The following PHF21A variants were observed in gnomAD, a reference collection of about 807,000 sequenced individuals.
PHF21A encodes the protein PHD finger protein 21A.
Under a neutral mutation model 82.5 loss-of-function variants are expected in PHF21A, and 11 were observed. The ratio of observed to expected loss-of-function variants is 0.13; its 90% confidence interval spans 0.08 to 0.22. PHF21A has a LOEUF of 0.22. Among genes scored for constraint, PHF21A ranks in the 10% least tolerant of loss-of-function variants. PHF21A has a pLI of 1.00. For missense variants in PHF21A, 579 were observed against 837.8 expected, an observed-to-expected ratio of 0.69 and a Z score of 3.81; for synonymous variants, 297 against 302.8, an observed-to-expected ratio of 0.98 and a Z score of 0.20.
intron 6 of PHF21A, among the ~76,000 whole-genome samples, chr11:46,050,976 T>C (rs1467513726): frequency 6.6e-6 from 1 of 152,192 alleles, no homozygotes; most frequent in Non-Finnish European, 1.5e-5. Context: ...AAGATAAATA[T>C]AGCAGTCTCC....
At chr11:45,969,255 C>G (rs1220379681) in intron 9 of PHF21A, among the ~76,000 whole-genome samples, 2 of 152,178 alleles carry the variant, frequency 1.3e-5, no homozygotes, top group Non-Finnish European at 2.9e-5. Flanking sequence ...GAAAGTTAGC[C>G]TAATTGCTGG....
At chr11:45,983,233 G>A (rs1404899042) in intron 6 of PHF21A, among the ~76,000 whole-genome samples, 3 of 152,092 alleles carry the variant, frequency 2.0e-5, no homozygotes. Context: ...AGCCGTGGAA[G>A]CTTGGGGTGG....
chr11:46,104,204 C>G (rs1005467485), intron 1 of PHF21A, among the ~76,000 whole-genome samples: 22 of 152,186 alleles, frequency 1.4e-4, no homozygotes, highest in African/African-American at 5.3e-4. Context: ...TGGGGTTCTA[C>G]AATTGTTTCC....
intron 6 of PHF21A, among the ~76,000 whole-genome samples, chr11:46,055,681 C>G (rs1023877274): frequency 3.9e-5 from 6 of 152,116 alleles, no homozygotes; most frequent in Non-Finnish European, 5.9e-5. Context: ...GGCACAGAGG[C>G]AGCAGGAGTC....
At chr11:46,029,602 CACTTGA>C (rs968329088) in intron 6 of PHF21A, among the ~76,000 whole-genome samples, 4 of 151,062 alleles carry the variant, frequency 2.6e-5, no homozygotes, top group Non-Finnish European at 5.9e-5. Flanking sequence ...GCAGGAGAAT[CACTTGA>C]ACCCAGAAGG....
intron 6 of PHF21A, among the ~76,000 whole-genome samples, chr11:45,981,267 T>A (rs2094267964): frequency 6.6e-6 from 1 of 151,742 alleles, no homozygotes; most frequent in Admixed American, 6.6e-5. Context: ...ACACCTGTAA[T>A]CCCAGCTACT....
chr11:45,976,634 G>A (rs2959093), intron 7 of PHF21A, among the ~76,000 whole-genome samples: 132,345 of 151,758 alleles, frequency 0.87, 58,031 homozygotes, highest in East Asian at 1. Context: ...TTGAGCTCCG[G>A]AGTTTGAGAC....
chr11:45,983,174 G>T (rs1489620123), intron 6 of PHF21A, among the ~76,000 whole-genome samples: 1 of 152,166 alleles, frequency 6.6e-6, no homozygotes, highest in Non-Finnish European at 1.5e-5. Context: ...TGGGAGTCAA[G>T]TGAGTCACAC....
At chr11:45,954,259 A>C (rs896575486) in intron 10 of PHF21A, among the ~76,000 whole-genome samples, 1 of 152,110 alleles carries the variant, frequency 6.6e-6, no homozygotes, top group Non-Finnish European at 1.5e-5. Flanking sequence ...AGCCTCCCAA[A>C]GTGCTGGGAT....
chr11:45,977,816 T>C (rs2094107038), intron 7 of PHF21A, among the ~76,000 whole-genome samples: 1 of 151,980 alleles, frequency 6.6e-6, no homozygotes, highest in Non-Finnish European at 1.5e-5. Flanking sequence ...GTATTGGTAT[T>C]GCTTTTTTCT....
intron 7 of PHF21A, among the ~76,000 whole-genome samples, chr11:45,977,055 C>T (rs1055686181): frequency 6.6e-6 from 1 of 152,006 alleles, no homozygotes; most frequent in Non-Finnish European, 1.5e-5. Flanking sequence ...CAGCCCTGGG[C>T]CTCTTACCAT....
chr11:45,945,761 G>A (rs1017507844), intron 15 of PHF21A, 79 bp downstream of exon 15: 10 of 1,224,016 alleles, frequency 8.2e-6, no homozygotes, highest in Admixed American at 2.6e-5. Context: ...GGTGCAAGTC[G>A]ATAAGGAGAC....
At chr11:45,935,455 G>T in intron 18 of PHF21A, 181 bp downstream of exon 18, 1 of 640,336 alleles carries the variant, frequency 1.6e-6, no homozygotes, top group Non-Finnish European at 2.7e-6. Context: ...CTACCAACTG[G>T]CCGCCTGTAC....
At chr11:45,972,046 G>C (rs1037397587) in intron 7 of PHF21A, among the ~76,000 whole-genome samples, 6 of 151,540 alleles carry the variant, frequency 4.0e-5, no homozygotes, top group African/African-American at 1.5e-4. Context: ...GTAAATACCA[G>C]TTCTTGATAC....
rs774658103 is a variant in PHF21A, at chr11:45,979,810, G to A, written c.310C>T (p.His104Tyr). The change falls in exon 7 of 19, where the codon CAC becomes TAC. Residue 104 changes from histidine (H) to tyrosine (Y), a missense_variant. By Grantham distance (83) the His-to-Tyr change is moderately conservative. Around this residue, in one of 3 missense-constraint regions of PHF21A, gnomAD observed 410 missense variants for 642.1 expected, o/e 0.64. Coordinates refer to ENST00000676320, the MANE Select transcript of PHF21A (RefSeq NM_001352027.3). The part of the protein sequence containing the change: ...QLQQQQQYHH[H>Y]HAQQSAAASP... ...GCTGCAGCTGACTGCTGGGCGTGGTGGTGGTGGTACTGCTGCTGTTGTTGT... is the reference window on the plus strand; with the variant it reads ...GCTGCAGCTGACTGCTGGGCGTGGTAGTGGTGGTACTGCTGCTGTTGTTGT... 7 of 1,614,000 alleles carry A rather than the reference G, an allele frequency of 4.3e-6. No homozygotes were observed. The Admixed American group carries it at 1.2e-4, about 27-fold the overall frequency.
At position 46,121,209 on chromosome 11, in the gene PHF21A, G is replaced by A. The variant is rs1380605659; in HGVS notation, c.-511C>T. On this transcript the variant is annotated 5_prime_UTR_variant, in exon 1 of 19. Transcript: ENST00000676320. Reference sequence around the variant, plus strand: ...CTCTCTCTCTCTCTCTCTCTGGGCTGTTTCTTTCCTCCTCTTCCCCAGGCA... The same window carrying A: ...CTCTCTCTCTCTCTCTCTCTGGGCTATTTCTTTCCTCCTCTTCCCCAGGCA... 3.4e-5 allele frequency: 2 copies of A among 58,926 alleles called. No individual in the cohort carries two copies. Among genetic ancestry groups the A allele is most frequent in the Non-Finnish European group, 6.8e-5 (2 of 29,604 alleles). The allele number at this position is 58,926 out of a possible 1,614,324, so 3.7% of individuals were successfully genotyped here.
rs1430675155 is a variant in PHF21A, at chr11:46,082,173, A to G, written c.54+1993T>C. Among the ~76,000 whole-genome samples, 8 of 152,356 alleles carry G rather than the reference A, an allele frequency of 5.3e-5. No individual in the cohort carries two copies. The East Asian group carries it at 1.5e-3, about 29-fold the overall frequency. ...CTATCTCACCATTCATAAAGAAAAC[A>G]CAAAGAACAAAAATATGTTTTCACT... On this transcript the variant is annotated intron_variant, in intron 4 of 18. Transcript: ENST00000676320.
chr11:45,939,169 A>G (rs1330434360), intron 15 of PHF21A, among the ~76,000 whole-genome samples: 1 of 152,216 alleles, frequency 6.6e-6, no homozygotes, highest in Non-Finnish European at 1.5e-5. Context: ...GGAGAGGTCT[A>G]TAGTCGCCAA....
chr11:46,080,167 G>C (rs2932510), intron 4 of PHF21A, among the ~76,000 whole-genome samples: 136,975 of 151,904 alleles, frequency 0.9, 61,910 homozygotes, highest in East Asian at 1. Context: ...CTAACTACTA[G>C]TTTTTTTTTG....
Sources: allele counts gnomAD v4.1 joint callset (sites outside exome capture counted in the v4.1 genomes callset), GRCh38; gene constraint gnomAD v4.1.1; regional missense constraint gnomAD v4.1.1; transcripts MANE v1.5; gene names NCBI Gene and HGNC (gene_info 2026-07-23, HGNC 2026-07-21).